Variants in ZC3H14 observed in about 807,000 individuals in gnomAD.
The protein encoded by ZC3H14 is zinc finger CCCH domain-containing protein 14.
In ZC3H14, 31 loss-of-function variants were observed where a neutral mutation model predicts 92.4. The ratio of observed to expected loss-of-function variants is 0.34; its 90% CI spans 0.25 to 0.45. The LOEUF (loss-of-function observed/expected upper bound fraction) is 0.45. ZC3H14 is among the 20% of genes least tolerant of loss of function. The pLI is 1.00. For missense variants in ZC3H14, 781 were observed against 897.3 expected, an observed-to-expected ratio of 0.87 and a Z score of 1.66; for synonymous variants, 321 against 300.9, an observed-to-expected ratio of 1.07 and a Z score of -0.69.
Position 88,615,587 on chromosome 14 carries a change from C to G in ZC3H14, c.*3836C>G. 1 of 469,518 alleles carries G rather than the reference C, an allele frequency of 2.1e-6. No homozygotes were observed. Among genetic ancestry groups the G allele is most frequent in the Non-Finnish European group, 3.7e-6 (1 of 267,884 alleles). 29.1% of individuals were successfully genotyped at this position (469,518 alleles called of 1,614,324 possible). A position where few individuals can be genotyped will look rare whatever the true frequency, so the allele number is the denominator to read the frequency against. On this transcript the variant is annotated 3_prime_UTR_variant, in exon 17 of 17. Transcript: ENST00000251038. ...GACTTGGCCTTTACCATCAAGTATT[C>G]GATCCTTCCTTGAAATGGCATTATC...
At position 88,616,596 on chromosome 14, in the gene ZC3H14, T is replaced by TA. The variant is rs2087657236; in HGVS notation, c.*4846dup. 2 of 914,334 alleles carry TA rather than the reference T, an allele frequency of 2.2e-6. No homozygotes were observed. The highest frequency in any genetic ancestry group is 5.3e-5 in the East Asian group (2 of 37,574). 56.6% of individuals were successfully genotyped at this position (914,334 alleles called of 1,614,324 possible). ...CTAATAGCTTTTATTTCAAAGTAAA[T>TA]AGATTTAGAAAGTTTGGGGAAAAAT... is the stretch of plus-strand genomic sequence containing the variant. On this transcript the variant is annotated 3_prime_UTR_variant, in exon 17 of 17. Transcript: ENST00000251038.
At chr14:88,591,454 A>T (rs1220075839) in intron 9 of ZC3H14, 1 of 152,250 alleles carries the variant, frequency 6.6e-6, no homozygotes, top group African/African-American at 2.4e-5. Context: ...TAAAATAAAA[A>T]AAGAACAGAA....
intron 16 of ZC3H14, among the ~76,000 whole-genome samples, chr14:88,611,507 G>A (rs1037245406): frequency 6.6e-6 from 1 of 152,022 alleles, no homozygotes; most frequent in African/African-American, 2.4e-5. Context: ...TTAGCAACTG[G>A]GAGATACTGA....
intron 2 of ZC3H14, among the ~76,000 whole-genome samples, chr14:88,566,243 C>T (rs1295629077): frequency 2.0e-5 from 3 of 151,540 alleles, no homozygotes; most frequent in Non-Finnish European, 4.4e-5. Flanking sequence ...TTGTGATTAA[C>T]ATGTGATGGA....
Position 88,624,878 on chromosome 14 carries a change from C to G in ZC3H14, c.*13127C>G. The G allele has an allele frequency of 7.0e-7, 1 of 1,429,218 alleles. No individual in the cohort carries two copies. 88.5% of individuals were successfully genotyped at this position (1,429,218 alleles called of 1,614,324 possible). On this transcript the variant is annotated 3_prime_UTR_variant, in exon 17 of 17. Transcript: ENST00000251038. ...GAGGAGGAAGGTCGGAGAGGACACT[C>G]TGTGTAGCCTAGAAACAACTAGAAT... is the stretch of plus-strand genomic sequence containing the variant.
intron 9 of ZC3H14, chr14:88,594,858 GA>G: frequency 6.2e-7 from 1 of 1,613,960 alleles, no homozygotes; most frequent in East Asian, 2.2e-5. Context: ...ACCTTTTAAG[GA>G]AAATATCAGC....
intron 6 of ZC3H14, 130 bp downstream of exon 6, chr14:88,573,137 T>C (rs1595534822): frequency 9.4e-7 from 1 of 1,069,240 alleles, no homozygotes; most frequent in Non-Finnish European, 1.4e-6. Flanking sequence ...TCCCAGGACT[T>C]TGGGAGGCCG....
Position 88,563,678 on chromosome 14 carries a change from T to C in ZC3H14, c.64T>C (p.Leu22=), listed in dbSNP as rs1395263191. Residue 22 remains leucine, a synonymous_variant, in exon 2 of 17, where the codon TTA becomes CTA. Transcript: ENST00000251038. The stretch of plus-strand genomic sequence containing the variant: ...TGCCATTAAGGGGAAATTACAAGAA[T>C]TAGGAGCTTATGTTGGTAAGTGTTT... ...RSAIKGKLQE[L]GAYVDEELPD... is the part of the protein sequence containing the mutation. The C allele has an allele frequency of 1.9e-6, 3 of 1,614,206 alleles. No homozygotes were observed. Among genetic ancestry groups the C allele is most frequent in the South Asian group, 2.2e-5 (2 of 91,084 alleles).
At chr14:88,571,426 CATA>C (rs2080376397) in intron 4 of ZC3H14, among the ~76,000 whole-genome samples, 1 of 151,932 alleles carries the variant, frequency 6.6e-6, no homozygotes, top group Non-Finnish European at 1.5e-5. Context: ...AAAGTTCAGT[CATA>C]ATAAACGAAA....
intron 9 of ZC3H14, among the ~76,000 whole-genome samples, chr14:88,596,022 C>T (rs567049411): frequency 6.6e-6 from 1 of 152,298 alleles, no homozygotes; most frequent in East Asian, 1.9e-4. Flanking sequence ...GGAAAAAAAT[C>T]AGTTCTTTGT....
intron 10 of ZC3H14, among the ~76,000 whole-genome samples, chr14:88,599,793 A>C (rs926793748): frequency 6.6e-6 from 1 of 152,168 alleles, no homozygotes; most frequent in African/African-American, 2.4e-5. Flanking sequence ...TCGTCTCAGA[A>C]AGTGCAGAGT....
Position 88,616,700 on chromosome 14 carries a change from T to TA in ZC3H14, c.*4951dup, listed in dbSNP as rs1302239197. 1 of 1,599,734 alleles carries TA rather than the reference T, an allele frequency of 6.3e-7. No homozygotes were observed. Among genetic ancestry groups the TA allele is most frequent in the African/African-American group, 1.3e-5 (1 of 74,822 alleles). Reference sequence around the variant, plus strand: ...GACATCAAAATTAGGAGTAAACTGATAATAGTAAACAAAACACAAACTTAC... The same window carrying TA: ...GACATCAAAATTAGGAGTAAACTGATAAATAGTAAACAAAACACAAACTTAC... On this transcript the variant is annotated 3_prime_UTR_variant, in exon 17 of 17. Transcript: ENST00000251038.
intron 9 of ZC3H14, among the ~76,000 whole-genome samples, chr14:88,578,528 C>G (rs1291156973): frequency 6.6e-6 from 1 of 152,190 alleles, no homozygotes; most frequent in Non-Finnish European, 1.5e-5. Flanking sequence ...AGTGAACTCT[C>G]ATGAACCCAG....
chr14:88,605,631 A>T (rs1283469673), intron 12 of ZC3H14, among the ~76,000 whole-genome samples: 1 of 152,136 alleles, frequency 6.6e-6, no homozygotes, highest in East Asian at 1.9e-4. Flanking sequence ...ACCACATCCT[A>T]TTTAAAGCTT....
At chr14:88,605,027 TAA>T (rs1304960520) in intron 12 of ZC3H14, among the ~76,000 whole-genome samples, 2 of 152,228 alleles carry the variant, frequency 1.3e-5, no homozygotes, top group Non-Finnish European at 2.9e-5. Flanking sequence ...AAAAGAAAGA[TAA>T]AGTTTCTTTG....
In ZC3H14 at chr14:88,625,873, T is replaced by C. The variant is rs1216719849; in HGVS notation, c.*14122T>C. 1 of 152,128 alleles carries C rather than the reference T, an allele frequency of 6.6e-6. No individual in the cohort carries two copies. Among genetic ancestry groups the C allele is most frequent in the Admixed American group, 6.6e-5 (1 of 15,264 alleles). 9.4% of individuals were successfully genotyped at this position (152,128 alleles called of 1,614,324 possible). On this transcript the variant is annotated 3_prime_UTR_variant, in exon 17 of 17. Coordinates refer to ENST00000251038, the MANE Select transcript of ZC3H14 (RefSeq NM_024824.5). Reference sequence around the variant, plus strand: ...ATTGCATAATCACAAAAACAAAAAATGCACTTAGTTTTTCGATGCACCAAA... The same window carrying C: ...ATTGCATAATCACAAAAACAAAAAACGCACTTAGTTTTTCGATGCACCAAA...
At chr14:88,607,849 A>AAGTG in intron 13 of ZC3H14, among the ~76,000 whole-genome samples, 1 of 100,568 alleles carries the variant, frequency 9.9e-6, no homozygotes, top group Non-Finnish European at 1.9e-5. Context: ...CTCAGCCTGC[A>AAGTG]AGTACCATCC....
At chr14:88,563,374 G>A in intron 1 of ZC3H14, 2 of 1,441,556 alleles carry the variant, frequency 1.4e-6, no homozygotes, top group Non-Finnish European at 1.8e-6. Flanking sequence ...TGAAGTAGCC[G>A]CCGGGAAATG....
chr14:88,602,767 G>A lies in ZC3H14; in HGVS notation c.1515-61G>A, dbSNP rs2084838860. On this transcript the variant is annotated intron_variant, in intron 11 of 16. Coordinates refer to ENST00000251038, the MANE Select transcript of ZC3H14 (RefSeq NM_024824.5). Reference sequence around the variant, plus strand: ...GATAGTTCTGCTGAAGAGCACTTTAGGGGGCTCAGCGTTTTGTGTTTGTTT... The same window carrying A: ...GATAGTTCTGCTGAAGAGCACTTTAAGGGGCTCAGCGTTTTGTGTTTGTTT... 6 of 1,554,682 alleles carry A rather than the reference G, an allele frequency of 3.9e-6. No homozygotes were observed. The Admixed American group carries it at 1.1e-4, about 28-fold the overall frequency.
Sources: allele counts gnomAD v4.1 joint callset (sites outside exome capture counted in the v4.1 genomes callset), GRCh38; gene constraint gnomAD v4.1.1; transcripts MANE v1.5; gene names NCBI Gene and HGNC (gene_info 2026-07-23, HGNC 2026-07-21).